Variants in IGSF9B observed in about 807,000 individuals in gnomAD.
IGSF9B encodes the protein immunoglobulin superfamily member 9B, also known as protein turtle homolog B.
Under a neutral mutation model 143.7 loss-of-function variants are expected in IGSF9B, and 48 were observed. The ratio of observed to expected loss-of-function variants is 0.33; its 90% CI spans 0.26 to 0.42. The LOEUF (loss-of-function observed/expected upper bound fraction) is 0.42, where lower values mean the gene tolerates loss of function less well. IGSF9B is among the 20% of genes least tolerant of loss of function. The probability of loss-of-function intolerance (pLI) is 1.00; values close to 1 mark genes in which losing one functional copy is unlikely to be tolerated. For synonymous variants in IGSF9B, 903 were observed against 833.1 expected (o/e 1.08, Z -1.44); for missense variants, 1,706 against 1,980.0 (o/e 0.86, Z 2.63).
chr11:133,924,910 GC>G lies in IGSF9B; in HGVS notation c.2035-7del. 6.2e-7 allele frequency: 1 copy of G among 1,612,950 alleles called. No homozygotes were observed. On this transcript the variant is annotated splice_region_variant and splice_polypyrimidine_tract_variant and intron_variant, in intron 14 of 19. Transcript: ENST00000533871. ...CGGAACTCATACCACGTGTCCTGCA[GC>G]CCCAGGGACAATACCCAGTCAGCCG...
chr11:133,943,769 A>G (rs1184188629), intron 3 of IGSF9B, among the ~76,000 whole-genome samples: 3 of 152,186 alleles, frequency 2.0e-5, no homozygotes, highest in Admixed American at 6.5e-5. Context: ...GTACATACTA[A>G]TCAAACGAAT....
chr11:133,948,617 C>CTG lies in IGSF9B; in HGVS notation c.65-2361_65-2360dup, dbSNP rs59414581. 0.021 allele frequency among the ~76,000 whole-genome samples: 2,898 copies of CTG among 140,960 alleles called. 33 individuals carry two copies. Among genetic ancestry groups the CTG allele is most frequent in the African/African-American group, 0.025 (940 of 37,398 alleles). 92.5% of individuals were successfully genotyped at this position (140,960 alleles called of 152,430 possible). On this transcript the variant is annotated intron_variant, in intron 1 of 19. Transcript: ENST00000533871. The surrounding 1 kb of genome is among the most constrained non-coding windows in gnomAD (Gnocchi z 4.7). ...TGGGTGCCATGAGTTTGCAGAGAAG[C>CTG]TGTGTGTGTGTGTGTGTGTGTGTGT...
intron 2 of IGSF9B, 76 bp from the exon 3 acceptor site, chr11:133,944,442 A>G: frequency 1.4e-6 from 2 of 1,454,914 alleles, no homozygotes; most frequent in Non-Finnish European, 1.9e-6. Flanking sequence ...TGCCCCAGCT[A>G]AAGACAGGGG....
intron 1 of IGSF9B, among the ~76,000 whole-genome samples, chr11:133,947,784 G>C (rs1371737427): frequency 1.3e-5 from 2 of 149,224 alleles, no homozygotes; most frequent in Non-Finnish European, 3.0e-5. Flanking sequence ...GTTCCTCTGT[G>C]TGTCTGTCTG....
At chr11:133,922,495 A>AAC in intron 16 of IGSF9B, 74 bp downstream of exon 16, 1 of 1,451,084 alleles carries the variant, frequency 6.9e-7, no homozygotes, top group Non-Finnish European at 9.5e-7. Context: ...CCATGCTAAA[A>AAC]ATGGTCCACC....
rs1449423813 is a variant in IGSF9B at position 133,902,718 on chromosome 11, AC to A, written c.*6350del. Among the ~76,000 whole-genome samples the A allele has an allele frequency of 1.3e-5, 2 of 152,140 alleles. No homozygotes were observed. Among genetic ancestry groups the A allele is most frequent in the East Asian group, 3.9e-4 (2 of 5,190 alleles). On this transcript the variant is annotated 3_prime_UTR_variant, in exon 20 of 20. Transcript: ENST00000533871. ...ATCCCTTCTCCAGCCCTGCCAGGAC[AC>A]CGTCGGCCATGGCACACCTCTCGTT... is the stretch of plus-strand genomic sequence containing the variant.
intron 18 of IGSF9B, 108 bp from the exon 19 acceptor site, chr11:133,912,115 G>T: frequency 7.5e-7 from 1 of 1,336,276 alleles, no homozygotes; most frequent in Non-Finnish European, 1.0e-6. Context: ...ACAGAGTTCA[G>T]TCCTACAGAG....
intron 5 of IGSF9B, 42 bp downstream of exon 5, chr11:133,937,334 G>A (rs371104769): frequency 3.2e-5 from 47 of 1,454,732 alleles, no homozygotes; most frequent in Non-Finnish European, 3.9e-5. Flanking sequence ...GGACATCCCC[G>A]CGGGAGCCCA....
rs541759128 is a variant in IGSF9B at position 133,936,840 on chromosome 11, C to T, written c.679+536G>A. 1.8e-4 allele frequency among the ~76,000 whole-genome samples: 28 copies of T among 152,318 alleles called. 1 individual carries two copies. In the South Asian group the frequency reaches 3.3e-3, roughly 18 times the overall value. On this transcript the variant is annotated intron_variant, in intron 5 of 19. Transcript: ENST00000533871. ...AGTTCAGCACAGGGTAGAGACCCCC[C>T]GACCGGGACGCTGCCCCATCCTGCA...
Position 133,932,092 on chromosome 11 carries a change from G to T in IGSF9B, c.1089C>A (p.Gly363=), listed in dbSNP as rs773237405. The part of the protein sequence containing the change: ...PATVVKWNKD[G]RPLQVEKNLG... ...GCACCTTCTCAACCTGCAGGGGACG[G>T]CCGTCCTTGTTCCACTTGACCACGG... The change falls in exon 8 of 20, where the codon GGC becomes GGA. Residue 363 remains glycine, a synonymous_variant. Transcript: ENST00000533871. 2 of 1,613,680 alleles carry T rather than the reference G, an allele frequency of 1.2e-6. No homozygotes were observed. Among genetic ancestry groups the T allele is most frequent in the Non-Finnish European group, 1.7e-6 (2 of 1,179,682 alleles).
chr11:133,931,555 G>A lies in IGSF9B; in HGVS notation c.1266C>T (p.Phe422=). The change falls in exon 10 of 20, where the codon TTC becomes TTT. Residue 422 remains phenylalanine (F), a synonymous_variant. Transcript: ENST00000533871. This position sits in a 1 kb window ranked among gnomAD's most constrained non-coding sequence, Gnocchi z 7.7. ...TGTACTCCCAGCCTGGTAGCACCGT[G>A]AAATAGGGGGGGTCCTGGGGAGGAA... ...ARLVLKDPPY[F]TVLPGWEYRQ... is the part of the protein sequence containing the mutation. 4 of 1,613,332 alleles carry A rather than the reference G, an allele frequency of 2.5e-6. No individual in the cohort carries two copies. Among genetic ancestry groups the A allele is most frequent in the Non-Finnish European group, 2.5e-6 (3 of 1,179,796 alleles).
At chr11:133,911,859 CG>C in intron 19 of IGSF9B, 26 bp downstream of exon 19, 1 of 1,489,244 alleles carries the variant, frequency 6.7e-7, no homozygotes, top group Non-Finnish European at 8.9e-7. Context: ...GTGGGAGGAG[CG>C]GGGCGGGCCA....
In IGSF9B at chr11:133,909,336, A is replaced by G; in HGVS notation, c.4106-59T>C. 1.5e-6 allele frequency: 2 copies of G among 1,317,046 alleles called. No homozygotes were observed. The highest frequency in any genetic ancestry group is 2.1e-6 in the Non-Finnish European group (2 of 948,638). 81.6% of individuals were successfully genotyped at this position (1,317,046 alleles called of 1,614,324 possible). ...GCAAGCGGATGAAAAGGAAGCACGC[A>G]GCCTGCTCACCTTTTCCACCTGCAT... is the stretch of plus-strand genomic sequence containing the variant. On this transcript the variant is annotated intron_variant, in intron 19 of 19. Transcript: ENST00000533871. The surrounding 1 kb of genome is among the most constrained non-coding windows in gnomAD (Gnocchi z 4.2).
At chr11:133,955,113 T>C (rs895846673) in intron 1 of IGSF9B, among the ~76,000 whole-genome samples, 11 of 152,012 alleles carry the variant, frequency 7.2e-5, no homozygotes, top group African/African-American at 2.4e-4. Flanking sequence ...GACAGTCCCA[T>C]AGCAGGAACA....
chr11:133,917,698 G>A (rs1051919650), intron 18 of IGSF9B, among the ~76,000 whole-genome samples: 3 of 152,136 alleles, frequency 2.0e-5, no homozygotes, highest in Admixed American at 1.3e-4. Context: ...CACTGTCAAG[G>A]AAGAAGTGGG....
intron 1 of IGSF9B, among the ~76,000 whole-genome samples, chr11:133,955,052 A>G (rs894747978): frequency 2.0e-5 from 3 of 152,192 alleles, no homozygotes; most frequent in Non-Finnish European, 2.9e-5. Flanking sequence ...GCCTTCCTTC[A>G]GCGTCTCTTT....
intron 16 of IGSF9B, 118 bp from the exon 17 acceptor site, chr11:133,922,340 G>A (rs930581433): frequency 9.4e-7 from 1 of 1,063,830 alleles, no homozygotes; most frequent in Non-Finnish European, 1.4e-6. Context: ...GCTGCTCACA[G>A]TGGGCATCTT....
At chr11:133,911,793 C>CAAT (rs1939305272) in intron 19 of IGSF9B, 93 bp downstream of exon 19, 2 of 1,282,000 alleles carry the variant, frequency 1.6e-6, no homozygotes, top group Admixed American at 6.9e-5. Flanking sequence ...GCCCTGAGCC[C>CAAT]AATAACCCTC....
chr11:133,927,486 G>A (rs1443996685), intron 12 of IGSF9B, among the ~76,000 whole-genome samples: 6 of 152,182 alleles, frequency 3.9e-5, no homozygotes, highest in Non-Finnish European at 7.4e-5. Context: ...GATGAGGGAA[G>A]GAGCCCAGGA....
Sources: allele counts gnomAD v4.1 joint callset (sites outside exome capture counted in the v4.1 genomes callset), GRCh38; gene constraint gnomAD v4.1.1; non-coding constraint Gnocchi (gnomAD v3.1); transcripts MANE v1.5; gene names NCBI Gene and HGNC (gene_info 2026-07-23, HGNC 2026-07-21).